TNR: variants seen among roughly 807,000 people sequenced by gnomAD.
TNR encodes tenascin-R.
TNR carries 45 observed loss-of-function variants against 150.4 expected under a neutral mutation model. That is an observed-to-expected ratio of 0.30 (90% CI 0.24 to 0.38). TNR has a LOEUF of 0.38. TNR is among the 10% of genes least tolerant of loss of function. The pLI is 1.00. For missense variants in TNR, 1,544 were observed against 1,759.1 expected (o/e 0.88, Z 2.19); for synonymous variants, 687 against 678.4 (o/e 1.01, Z -0.20).
intron 2 of TNR, among the ~76,000 whole-genome samples, chr1:175,439,222 A>T (rs967288467): frequency 3.3e-5 from 5 of 151,688 alleles, no homozygotes; most frequent in African/African-American, 9.7e-5. Context: ...ATAATGCCGC[A>T]TATCTACAAC....
At chr1:175,595,974 T>C (rs1184172996) in intron 1 of TNR, among the ~76,000 whole-genome samples, 2 of 141,724 alleles carry the variant, frequency 1.4e-5, no homozygotes, top group East Asian at 3.9e-4. Context: ...AATATGATAA[T>C]GGAGGAGGGG....
At chr1:175,653,682 A>G (rs1318523140) in intron 1 of TNR, among the ~76,000 whole-genome samples, 1 of 152,244 alleles carries the variant, frequency 6.6e-6, no homozygotes, top group Non-Finnish European at 1.5e-5. Context: ...TGTTGGAAAC[A>G]TTGGGTTATT....
chr1:175,360,986 C>A (rs534123994), intron 14 of TNR, among the ~76,000 whole-genome samples: 1 of 152,318 alleles, frequency 6.6e-6, no homozygotes, highest in Admixed American at 6.5e-5. Context: ...TAAAGGAGGG[C>A]AGTTTGGATG....
Position 175,405,616 on chromosome 1 carries a change from A to T in TNR, c.499+600T>A, listed in dbSNP as rs925106841. Among the ~76,000 whole-genome samples, 6 of 56,214 alleles carry T rather than the reference A, an allele frequency of 1.1e-4. 1 individual carries two copies. The Admixed American group carries it at 1.1e-3, about 10-fold the overall frequency. 36.9% of individuals were successfully genotyped at this position (56,214 alleles called of 152,430 possible). On this transcript the variant is annotated intron_variant, in intron 3 of 22. Coordinates refer to ENST00000367674, the MANE Select transcript of TNR (RefSeq NM_003285.3). ...GTGAGAGAGAGAGTATGTGTGTGTG[A>T]GAGTGTGTGTGTGTGTGTGTGTGTG...
At chr1:175,726,332 G>A (rs1379287269) in intron 1 of TNR, among the ~76,000 whole-genome samples, 1 of 152,182 alleles carries the variant, frequency 6.6e-6, no homozygotes, top group Non-Finnish European at 1.5e-5. Flanking sequence ...TATTTGGTGG[G>A]ATCTTTGGAG....
intron 18 of TNR, among the ~76,000 whole-genome samples, chr1:175,351,831 A>G (rs1651064539): frequency 6.6e-6 from 1 of 152,210 alleles, no homozygotes; most frequent in Non-Finnish European, 1.5e-5. Context: ...CAAACTCTAC[A>G]TGGAACAGCT....
At chr1:175,640,654 C>A (rs1307544664) in intron 1 of TNR, among the ~76,000 whole-genome samples, 1 of 152,140 alleles carries the variant, frequency 6.6e-6, no homozygotes, top group Non-Finnish European at 1.5e-5. Flanking sequence ...GTTCTCAAAT[C>A]ATGTGCATAT....
chr1:175,492,538 C>T (rs1201876319), intron 2 of TNR, among the ~76,000 whole-genome samples: 1 of 152,130 alleles, frequency 6.6e-6, no homozygotes, highest in Non-Finnish European at 1.5e-5. Context: ...ACCTAGAAAA[C>T]GAGCGGTCAC....
chr1:175,575,723 T>C (rs770242338), intron 1 of TNR, among the ~76,000 whole-genome samples: 1 of 152,112 alleles, frequency 6.6e-6, no homozygotes, highest in Non-Finnish European at 1.5e-5. Flanking sequence ...GGATAGAGCA[T>C]TCCAGGTGGG....
Position 175,323,222 on chromosome 1 carries a change from C to G in TNR, c.*135G>C, listed in dbSNP as rs1291123499. The G allele has an allele frequency of 8.4e-7, 1 of 1,194,580 alleles. No individual in the cohort carries two copies. Among genetic ancestry groups the G allele is most frequent in the African/African-American group, 1.6e-5 (1 of 64,412 alleles). The allele number at this position is 1,194,580 out of a possible 1,614,324, so 74.0% of individuals were successfully genotyped here. A position where few individuals can be genotyped will look rare whatever the true frequency, so the allele number is the denominator to read the frequency against. On this transcript the variant is annotated 3_prime_UTR_variant, in exon 23 of 23. Transcript: ENST00000367674. ...AGAGCAGATGTTAGCCAGCGGATTC[C>G]TGCGACATCCCTGCTTCCTTCACAT...
intron 1 of TNR, among the ~76,000 whole-genome samples, chr1:175,548,081 C>T (rs566304632): frequency 1.3e-5 from 2 of 152,308 alleles, no homozygotes; most frequent in African/African-American, 2.4e-5. Context: ...GGCGAGACAA[C>T]AGCTAGGTCC....
At chr1:175,586,106 A>C (rs540636903) in intron 1 of TNR, among the ~76,000 whole-genome samples, 10 of 152,202 alleles carry the variant, frequency 6.6e-5, no homozygotes, top group Non-Finnish European at 1.3e-4. Context: ...GAAGAATATC[A>C]GCAGAATAAT....
In TNR at chr1:175,330,250, A is replaced by G. The variant is rs374920039; in HGVS notation, c.3632-15T>C. On this transcript the variant is annotated splice_polypyrimidine_tract_variant and intron_variant, in intron 20 of 22. Coordinates refer to ENST00000367674, the MANE Select transcript of TNR (RefSeq NM_003285.3). ...ATTGTCCAGCCCTGTGGAGAAGAGCAGAAAATGCACTGAGACTGGCCCCCA... is the reference window on the plus strand; with the variant it reads ...ATTGTCCAGCCCTGTGGAGAAGAGCGGAAAATGCACTGAGACTGGCCCCCA... 31 of 1,521,450 alleles carry G rather than the reference A, an allele frequency of 2.0e-5. No individual in the cohort carries two copies. In the African/African-American group the frequency reaches 4.0e-4, roughly 20 times the overall value. The allele number at this position is 1,521,450 out of a possible 1,614,324, so 94.2% of individuals were successfully genotyped here.
chr1:175,379,360 A>C (rs1652560815), intron 9 of TNR, among the ~76,000 whole-genome samples, 192 bp downstream of exon 9: 1 of 152,178 alleles, frequency 6.6e-6, no homozygotes, highest in Admixed American at 6.5e-5. Flanking sequence ...CCGTCTCAAA[A>C]AAAGGAGATG....
In TNR at chr1:175,511,032, T is replaced by C. The variant is rs1306738047; in HGVS notation, c.-64+17237A>G. Among the ~76,000 whole-genome samples the C allele has an allele frequency of 1.3e-5, 2 of 152,168 alleles. 1 individual carries two copies. Among genetic ancestry groups the C allele is most frequent in the African/African-American group, 4.8e-5 (2 of 41,426 alleles). On this transcript the variant is annotated intron_variant, in intron 2 of 22. Coordinates refer to ENST00000367674, the MANE Select transcript of TNR (RefSeq NM_003285.3). Reference sequence around the variant, plus strand: ...CTCACTCTTGCCTTGCAAAAATGGATGTAATCGTTTTGTTACACAACTTCC... The same window carrying C: ...CTCACTCTTGCCTTGCAAAAATGGACGTAATCGTTTTGTTACACAACTTCC...
chr1:175,516,943 A>G (rs1344990578), intron 2 of TNR, among the ~76,000 whole-genome samples: 1 of 151,456 alleles, frequency 6.6e-6, no homozygotes. Context: ...CATAAATTGA[A>G]TATTTTCATG....
chr1:175,375,114 C>T (rs1652313495), intron 9 of TNR, among the ~76,000 whole-genome samples: 1 of 151,730 alleles, frequency 6.6e-6, no homozygotes, highest in African/African-American at 2.4e-5. Context: ...TAAAAATCTT[C>T]TCCCTCCCTT....
intron 2 of TNR, among the ~76,000 whole-genome samples, chr1:175,440,769 C>T (rs1655748996): frequency 6.6e-6 from 1 of 152,090 alleles, no homozygotes; most frequent in African/African-American, 2.4e-5. Flanking sequence ...GATCCTCAGT[C>T]TGAGGACTGA....
intron 1 of TNR, among the ~76,000 whole-genome samples, chr1:175,633,733 G>A (rs1664407566): frequency 6.6e-6 from 1 of 152,140 alleles, no homozygotes; most frequent in African/African-American, 2.4e-5. Flanking sequence ...GAGAGAAGAA[G>A]AGAAAGAGTG....
Sources: gnomAD v4.1 joint callset for allele counts (sites outside exome capture counted in the v4.1 genomes callset) on GRCh38, gnomAD v4.1.1 for gene constraint, MANE v1.5 for transcripts, NCBI Gene and HGNC (gene_info 2026-07-23, HGNC 2026-07-21) for gene names.